GREM2: variants seen among roughly 807,000 people sequenced by gnomAD.
The protein encoded by GREM2 is gremlin-2.
GREM2 carries 11 observed loss-of-function variants against 14.2 expected under a neutral mutation model. The observed-to-expected ratio is 0.78, with a 90% CI of 0.49 to 1.28. The LOEUF is 1.28. Ranked by LOEUF, GREM2 falls within the 50% of genes most tolerant of loss-of-function variation. The pLI is 0.00. For synonymous variants in GREM2, 98 were observed against 97.6 expected (o/e 1.00, Z -0.02); for missense variants, 210 against 218.5 (o/e 0.96, Z 0.24).
chr1:240,509,422 G>T (rs1677753648), intron 1 of GREM2, among the ~76,000 whole-genome samples: 1 of 147,048 alleles, frequency 6.8e-6, no homozygotes, highest in Non-Finnish European at 1.5e-5. Flanking sequence ...AGGCTGGAGT[G>T]CAATGGCACG....
At chr1:240,574,673 G>C (rs1301742087) in intron 1 of GREM2, among the ~76,000 whole-genome samples, 1 of 152,128 alleles carries the variant, frequency 6.6e-6, no homozygotes, top group East Asian at 1.9e-4. Context: ...CGAGGGTGTG[G>C]AAGAAGAGGG....
chr1:240,608,852 C>T (rs1558182463), intron 1 of GREM2, among the ~76,000 whole-genome samples: 2 of 152,052 alleles, frequency 1.3e-5, no homozygotes, highest in South Asian at 4.1e-4. Context: ...GATTTTTTAG[C>T]CATTTGGCGA....
intron 1 of GREM2, among the ~76,000 whole-genome samples, chr1:240,544,773 C>T (rs914337787): frequency 3.9e-5 from 6 of 152,256 alleles, no homozygotes; most frequent in Admixed American, 6.5e-5. Context: ...TTCCCTTTCT[C>T]TATCTACAAA....
chr1:240,603,145 T>C (rs746797880), intron 1 of GREM2, among the ~76,000 whole-genome samples: 3 of 152,100 alleles, frequency 2.0e-5, no homozygotes, highest in Non-Finnish European at 4.4e-5. Flanking sequence ...GAGCTATCAA[T>C]GGGAACTCAT....
At chr1:240,602,880 T>C (rs1679953956) in intron 1 of GREM2, among the ~76,000 whole-genome samples, 1 of 151,882 alleles carries the variant, frequency 6.6e-6, no homozygotes, top group African/African-American at 2.4e-5. Flanking sequence ...GAGACCATCC[T>C]GGCTAACATG....
intron 1 of GREM2, among the ~76,000 whole-genome samples, chr1:240,548,848 C>T (rs12409520): frequency 0.13 from 19,380 of 152,014 alleles, 1,481 homozygotes; most frequent in African/African-American, 0.2. Flanking sequence ...GAAAACTTGA[C>T]GGTAAAAAGA....
intron 1 of GREM2, among the ~76,000 whole-genome samples, chr1:240,604,354 T>C (rs985498183): frequency 1.3e-5 from 2 of 151,554 alleles, no homozygotes; most frequent in Non-Finnish European, 2.9e-5. Context: ...ATGTATGATA[T>C]ACAATTGTCT....
chr1:240,498,676 C>T (rs1329352041), intron 1 of GREM2, among the ~76,000 whole-genome samples: 1 of 152,218 alleles, frequency 6.6e-6, no homozygotes, highest in African/African-American at 2.4e-5. Context: ...TATAGAAAGT[C>T]CCACTCTGTC....
At chr1:240,505,244 T>C (rs975443688) in intron 1 of GREM2, among the ~76,000 whole-genome samples, 3 of 152,204 alleles carry the variant, frequency 2.0e-5, no homozygotes, top group African/African-American at 7.2e-5. Context: ...ATGCGTCCTG[T>C]GCAGCCTGCA....
At chr1:240,495,511 T>G (rs1237225716) in intron 1 of GREM2, among the ~76,000 whole-genome samples, 14 of 152,224 alleles carry the variant, frequency 9.2e-5, no homozygotes, top group Admixed American at 9.2e-4. Context: ...ATTTATTGAT[T>G]CTCAAAGTAC....
chr1:240,532,553 C>T (rs189987648), intron 1 of GREM2, among the ~76,000 whole-genome samples: 3 of 152,084 alleles, frequency 2.0e-5, no homozygotes, highest in Non-Finnish European at 2.9e-5. Context: ...AGCAATCTGC[C>T]AGATTTAAGG....
chr1:240,552,124 G>A (rs1002016683), intron 1 of GREM2, among the ~76,000 whole-genome samples: 1 of 152,134 alleles, frequency 6.6e-6, no homozygotes, highest in Non-Finnish European at 1.5e-5. Context: ...TACGATCCTT[G>A]GGTATAAGTG....
chr1:240,533,441 C>G (rs144535722), intron 1 of GREM2, among the ~76,000 whole-genome samples: 1 of 152,130 alleles, frequency 6.6e-6, no homozygotes, highest in Non-Finnish European at 1.5e-5. Context: ...AGTTGAGAAG[C>G]CCTTGGTATC....
intron 1 of GREM2, among the ~76,000 whole-genome samples, chr1:240,507,492 C>G (rs964535874): frequency 6.6e-6 from 1 of 152,082 alleles, no homozygotes; most frequent in African/African-American, 2.4e-5. Context: ...GCCACCATGC[C>G]CGGCTAATTT....
intron 1 of GREM2, among the ~76,000 whole-genome samples, chr1:240,565,858 A>C (rs4659981): frequency 0.26 from 38,571 of 150,842 alleles, 5,636 homozygotes; most frequent in East Asian, 0.38. Flanking sequence ...AAAAAAAAAA[A>C]AAAACAAAAC....
rs1678608735 is a variant in GREM2, at chr1:240,542,338, G to A, written c.-1-48862C>T. Among the ~76,000 whole-genome samples, 1 of 151,614 alleles carries A rather than the reference G, an allele frequency of 6.6e-6. No homozygotes were observed. Among genetic ancestry groups the A allele is most frequent in the Non-Finnish European group, 1.5e-5 (1 of 67,954 alleles). On this transcript the variant is annotated intron_variant, in intron 1 of 1. Coordinates refer to ENST00000318160, the MANE Select transcript of GREM2 (RefSeq NM_022469.4). This position sits in a 1 kb window ranked among gnomAD's most constrained non-coding sequence, Gnocchi z 4.1. Reference sequence around the variant, plus strand: ...AGCTGAGCCGGGCACGGTGGCTCACGGCTCACGTCTAATCCCAGTACTTTG... The same window carrying A: ...AGCTGAGCCGGGCACGGTGGCTCACAGCTCACGTCTAATCCCAGTACTTTG...
rs1473622493 is a variant in GREM2 at position 240,542,494 on chromosome 1, A to G, written c.-1-49018T>C. Among the ~76,000 whole-genome samples, 1 of 151,104 alleles carries G rather than the reference A, an allele frequency of 6.6e-6. No individual in the cohort carries two copies. Among genetic ancestry groups the G allele is most frequent in the Non-Finnish European group, 1.5e-5 (1 of 67,890 alleles). On this transcript the variant is annotated intron_variant, in intron 1 of 1. Coordinates refer to ENST00000318160, the MANE Select transcript of GREM2 (RefSeq NM_022469.4). The surrounding 1 kb of genome is among the most constrained non-coding windows in gnomAD (Gnocchi z 4.1). ...GCTGGGTGTGGTGGTGCGCACCTGT[A>G]GTCCCAGCTACTCGGGAGGCTGAGG...
chr1:240,510,125 T>C (rs1677774133), intron 1 of GREM2, among the ~76,000 whole-genome samples: 2 of 152,026 alleles, frequency 1.3e-5, no homozygotes, highest in Admixed American at 1.3e-4. Flanking sequence ...ATCCCAGCAC[T>C]TTGGGAGGCC....
intron 1 of GREM2, among the ~76,000 whole-genome samples, chr1:240,598,409 A>T (rs1679860804): frequency 6.6e-6 from 1 of 152,222 alleles, no homozygotes; most frequent in African/African-American, 2.4e-5. Flanking sequence ...TTAGTCCAAG[A>T]GTAATCATTT....
Sources: gnomAD v4.1 joint callset for allele counts (sites outside exome capture counted in the v4.1 genomes callset) on GRCh38, gnomAD v4.1.1 for gene constraint, Gnocchi (gnomAD v3.1) non-coding constraint, MANE v1.5 for transcripts, NCBI Gene and HGNC (gene_info 2026-07-23, HGNC 2026-07-21) for gene names.